The following EPRS1 variants were observed in gnomAD, a reference collection of about 807,000 sequenced individuals.
The protein encoded by EPRS1 is bifunctional glutamate/proline--tRNA ligase.
A neutral mutation model predicts 188.3 loss-of-function variants in EPRS1; 107 were observed. The observed-to-expected ratio is 0.57, with a 90% CI of 0.49 to 0.67. The LOEUF (loss-of-function observed/expected upper bound fraction) is 0.67. EPRS1 is among the 30% of genes least tolerant of loss of function. The pLI is 0.00. For missense variants in EPRS1, 1,577 were observed against 1,802.2 expected (o/e 0.88, Z 2.26); for synonymous variants, 596 against 593.1 (o/e 1.00, Z -0.07).
chr1:219,987,053 G>C, intron 20 of EPRS1, 89 bp downstream of exon 20: 1 of 1,388,726 alleles, frequency 7.2e-7, no homozygotes, highest in South Asian at 1.4e-5. Flanking sequence ...TAATGTGATG[G>C]TTAAACCAGT....
At chr1:219,977,031 C>T (rs3767675) in intron 28 of EPRS1, among the ~76,000 whole-genome samples, 6,987 of 152,128 alleles carry the variant, frequency 0.046, 204 homozygotes, top group East Asian at 0.11. Context: ...CACAATCAAA[C>T]AATATTATAG....
intron 21 of EPRS1, 64 bp from the exon 22 acceptor site, chr1:219,983,462 G>C: frequency 8.5e-7 from 1 of 1,175,420 alleles, no homozygotes; most frequent in Non-Finnish European, 1.2e-6. Context: ...TAAGTGGCAA[G>C]AGTATGATAA....
At chr1:220,009,101 G>A (rs937483756) in intron 13 of EPRS1, among the ~76,000 whole-genome samples, 2 of 152,112 alleles carry the variant, frequency 1.3e-5, no homozygotes, top group Non-Finnish European at 2.9e-5. Context: ...TGTATGGTAG[G>A]TGATATGGCA....
Position 219,997,210 on chromosome 1 carries a change from C to G in EPRS1, c.2314G>C (p.Ala772Pro), listed in dbSNP as rs762818147. 3.7e-6 allele frequency: 6 copies of G among 1,613,908 alleles called. No individual in the cohort carries two copies. The change falls in exon 18 of 32, where the codon GCA becomes CCA. Residue 772 changes from alanine to proline, a missense_variant. Physicochemically the swap from Ala to Pro is conservative, Grantham distance 27. Transcript: ENST00000366923. Reference sequence around the variant, plus strand: ...GCTGCATCTACATCTTCCTTTGGTGCTTTCTTGGCTTTTAATTCACGAACC... The same window carrying G: ...GCTGCATCTACATCTTCCTTTGGTGGTTTCTTGGCTTTTAATTCACGAACC... ...DVVRELKAKKAPKEDVDAAVK... is the reference protein window; with the variant it reads ...DVVRELKAKKPPKEDVDAAVK...
chr1:220,003,967 C>G (rs1394966200), intron 16 of EPRS1, among the ~76,000 whole-genome samples: 1 of 152,158 alleles, frequency 6.6e-6, no homozygotes. Flanking sequence ...TCAAGAGACG[C>G]CGTAACATGA....
chr1:219,979,396 T>C lies in EPRS1; in HGVS notation c.3909+22A>G, dbSNP rs777834892. 9 of 1,555,316 alleles carry C rather than the reference T, an allele frequency of 5.8e-6. No individual in the cohort carries two copies. In the South Asian group the frequency reaches 9.2e-5, roughly 16 times the overall value. On this transcript the variant is annotated intron_variant, in intron 27 of 31. Coordinates refer to ENST00000366923, the MANE Select transcript of EPRS1 (RefSeq NM_004446.3). ...GGCTTGTATTTTATAAAATGAGTGA[T>C]AAACAGGAATATTTTCCTTACCTGA...
chr1:219,992,238 G>C (rs1661137946), intron 18 of EPRS1, among the ~76,000 whole-genome samples: 1 of 152,110 alleles, frequency 6.6e-6, no homozygotes, highest in South Asian at 2.1e-4. Flanking sequence ...AAAAATAAAA[G>C]AGCAAAGATT....
intron 17 of EPRS1, among the ~76,000 whole-genome samples, chr1:220,000,236 G>A (rs964522732): frequency 2.6e-5 from 4 of 152,178 alleles, no homozygotes; most frequent in African/African-American, 4.8e-5. Flanking sequence ...GATGGGAACT[G>A]GAACCAATGA....
At chr1:220,008,820 C>T (rs1661546505) in intron 13 of EPRS1, among the ~76,000 whole-genome samples, 1 of 152,072 alleles carries the variant, frequency 6.6e-6, no homozygotes, top group Non-Finnish European at 1.5e-5. Context: ...AGATTATAAG[C>T]ATGAACCATA....
chr1:219,991,606 G>A (rs1417097905), intron 18 of EPRS1, among the ~76,000 whole-genome samples: 3 of 152,116 alleles, frequency 2.0e-5, no homozygotes, highest in African/African-American at 7.2e-5. Context: ...TGCAAAGAGA[G>A]GCATTTTAAG....
At chr1:220,017,581 C>T (rs1403439298) in intron 12 of EPRS1, among the ~76,000 whole-genome samples, 2 of 152,098 alleles carry the variant, frequency 1.3e-5, no homozygotes, top group Non-Finnish European at 1.5e-5. Context: ...AAGACACATG[C>T]GAAACAAGCA....
At position 220,022,625 on chromosome 1, in the gene EPRS1, C is replaced by G. The variant is rs1025459047; in HGVS notation, c.944-107G>C. ...TTTCATGTTCTTGTTTTATAACCAC[C>G]CTGTGTTAGTTTAAAAACACTGTAA... On this transcript the variant is annotated intron_variant, in intron 8 of 31. Coordinates refer to ENST00000366923, the MANE Select transcript of EPRS1 (RefSeq NM_004446.3). 5.1e-5 allele frequency: 46 copies of G among 910,792 alleles called. 1 individual carries two copies. The highest frequency in any genetic ancestry group is 1.8e-4 in the Admixed American group (7 of 38,144). The allele number at this position is 910,792 out of a possible 1,614,324, so 56.4% of individuals were successfully genotyped here.
chr1:220,007,342 A>G lies in EPRS1; in HGVS notation c.1606-4T>C, dbSNP rs1289018028. 1 of 1,602,628 alleles carries G rather than the reference A, an allele frequency of 6.2e-7. No homozygotes were observed. The highest frequency in any genetic ancestry group is 8.5e-7 in the Non-Finnish European group (1 of 1,177,032). ...GCTTCAAGCCAACCTCAGGATTCTG[A>G]TTGATAAAGAAAAGCAGAGTGTCTG... On this transcript the variant is annotated splice_polypyrimidine_tract_variant and splice_region_variant and intron_variant, in intron 13 of 31. Coordinates refer to ENST00000366923, the MANE Select transcript of EPRS1 (RefSeq NM_004446.3).
chr1:220,030,464 T>C lies in EPRS1; in HGVS notation c.545A>G (p.Gln182Arg), dbSNP rs1252592344. Residue 182 changes from glutamine to arginine, a missense_variant, in exon 6 of 32, where the codon CAA becomes CGA. Coordinates refer to ENST00000366923, the MANE Select transcript of EPRS1 (RefSeq NM_004446.3). ...TKARVAPEKK[Q>R]DVGKFVELPG... is the part of the protein sequence containing the mutation. ...AAGCTCAACAAATTTCCCAACATCT[T>C]GCTTTTTCTCAGGTGCCTGAAAAAC... 1 of 1,614,038 alleles carries C rather than the reference T, an allele frequency of 6.2e-7. No individual in the cohort carries two copies. The highest frequency in any genetic ancestry group is 1.1e-5 in the South Asian group (1 of 91,086).
At chr1:220,033,824 TA>T (rs1427108437) in intron 3 of EPRS1, among the ~76,000 whole-genome samples, 166 bp from the exon 4 acceptor site, 13 of 151,784 alleles carry the variant, frequency 8.6e-5, no homozygotes, top group African/African-American at 2.7e-4. Flanking sequence ...TCTGATTGCC[TA>T]AAATCTAAAA....
At chr1:220,007,396 T>G in intron 13 of EPRS1, 58 bp from the exon 14 acceptor site, 1 of 1,526,610 alleles carries the variant, frequency 6.6e-7, no homozygotes, top group Non-Finnish European at 8.9e-7. Context: ...GAACCCAGTA[T>G]GCAAATTTAT....
chr1:220,006,321 TAA>T lies in EPRS1; in HGVS notation c.1743-10_1743-9del, dbSNP rs769372555. The T allele has an allele frequency of 4.1e-6, 6 of 1,474,322 alleles. No homozygotes were observed. Among genetic ancestry groups the T allele is most frequent in the Admixed American group, 1.9e-5 (1 of 53,526 alleles). 91.3% of individuals were successfully genotyped at this position (1,474,322 alleles called of 1,614,324 possible). ...ATTTTTCCATCTGCATTTCTAGATA[TAA>T]GATTAAAAGTATTCAAAGAAATATT... On this transcript the variant is annotated splice_polypyrimidine_tract_variant and intron_variant, in intron 14 of 31. Transcript: ENST00000366923.
At chr1:219,996,047 T>A (rs190928071) in intron 18 of EPRS1, among the ~76,000 whole-genome samples, 1 of 152,214 alleles carries the variant, frequency 6.6e-6, no homozygotes, top group African/African-American at 2.4e-5. Context: ...GTACTATTTA[T>A]CTGATCATGT....
chr1:220,002,397 C>T (rs375613460), intron 16 of EPRS1, among the ~76,000 whole-genome samples: 1 of 151,868 alleles, frequency 6.6e-6, no homozygotes, highest in South Asian at 2.1e-4. Flanking sequence ...TATGAACTTT[C>T]GTCCATATGA....
Sources: gnomAD v4.1 joint callset for allele counts (sites outside exome capture counted in the v4.1 genomes callset) on GRCh38, gnomAD v4.1.1 for gene constraint, MANE v1.5 for transcripts, NCBI Gene and HGNC (gene_info 2026-07-23, HGNC 2026-07-21) for gene names.